PCDHGB6: variants seen among roughly 807,000 people sequenced by gnomAD.
PCDHGB6 encodes protocadherin gamma subfamily B, 6, also known as protocadherin gamma-B6.
A neutral mutation model predicts 59.1 loss-of-function variants in PCDHGB6; 51 were observed. The ratio of observed to expected loss-of-function variants is 0.86; its 90% confidence interval spans 0.69 to 1.09. The LOEUF is 1.09. PCDHGB6 is among the 50% of genes least tolerant of loss of function. PCDHGB6 has a pLI of 0.00. For synonymous variants in PCDHGB6, 466 were observed against 495.1 expected (o/e 0.94, Z 0.78); for missense variants, 1,148 against 1,205.1 (o/e 0.95, Z 0.70).
At chr5:141,410,662 C>T (rs770245568) in intron 1 of PCDHGB6, 42 bp downstream of exon 1, 1 of 1,572,090 alleles carries the variant, frequency 6.4e-7, no homozygotes, top group Admixed American at 1.9e-5. Context: ...TAATAGTCTA[C>T]TAGTTTCTCA....
At chr5:141,456,352 C>T (rs1253586137) in intron 1 of PCDHGB6, among the ~76,000 whole-genome samples, 1 of 152,050 alleles carries the variant, frequency 6.6e-6, no homozygotes, top group Non-Finnish European at 1.5e-5. Flanking sequence ...GGAAGAATGG[C>T]GTCCATGTGT....
At position 141,491,919 on chromosome 5, in the gene PCDHGB6, C is replaced by A. The variant is rs1177043977; in HGVS notation, c.2419-2888C>A. 1.5e-6 allele frequency: 2 copies of A among 1,361,778 alleles called. No homozygotes were observed. Among genetic ancestry groups the A allele is most frequent in the South Asian group, 1.6e-5 (1 of 64,218 alleles). 84.4% of individuals were successfully genotyped at this position (1,361,778 alleles called of 1,614,324 possible). A position where few individuals can be genotyped will look rare whatever the true frequency, so the allele number is the denominator to read the frequency against. On this transcript the variant is annotated intron_variant, in intron 1 of 3. Coordinates refer to ENST00000520790, the MANE Select transcript of PCDHGB6 (RefSeq NM_018926.3). The surrounding 1 kb of genome is among the most constrained non-coding windows in gnomAD (Gnocchi z 6.9). ...CACCGGGGGTGGTGGCGACTGTGGGCGAGGGGAGGTGGGACCGACCCCCAC... is the reference window on the plus strand; with the variant it reads ...CACCGGGGGTGGTGGCGACTGTGGGAGAGGGGAGGTGGGACCGACCCCCAC...
In PCDHGB6 at chr5:141,485,609, G is replaced by A. The variant is rs1432367043; in HGVS notation, c.2419-9198G>A. The A allele has an allele frequency of 6.2e-7, 1 of 1,612,252 alleles. No homozygotes were observed. Among genetic ancestry groups the A allele is most frequent in the Non-Finnish European group, 8.5e-7 (1 of 1,178,656 alleles). On this transcript the variant is annotated intron_variant, in intron 1 of 3. Transcript: ENST00000520790. This position sits in a 1 kb window ranked among gnomAD's most constrained non-coding sequence, Gnocchi z 5.7. ...GCTGGACTTGGAAATTGGGGAGGCA[G>A]CTCCTCCAGGACAGCGTTTCCCGTT...
Position 141,432,617 on chromosome 5 carries a change from G to A in PCDHGB6, c.2418+21997G>A. The A allele has an allele frequency of 6.2e-7, 1 of 1,613,694 alleles. No individual in the cohort carries two copies. Among genetic ancestry groups the A allele is most frequent in the South Asian group, 1.1e-5 (1 of 91,044 alleles). On this transcript the variant is annotated intron_variant, in intron 1 of 3. Coordinates refer to ENST00000520790, the MANE Select transcript of PCDHGB6 (RefSeq NM_018926.3). This position sits in a 1 kb window ranked among gnomAD's most constrained non-coding sequence, Gnocchi z 6.0. ...CAGCGAGCCGGGACTCTTCTCGGTGGGTCTGCACACGGGCGAGGTGCGCAC... is the reference window on the plus strand; with the variant it reads ...CAGCGAGCCGGGACTCTTCTCGGTGAGTCTGCACACGGGCGAGGTGCGCAC...
At chr5:141,510,814 C>T in intron 3 of PCDHGB6, 133 bp from the exon 4 acceptor site, 2 of 1,544,688 alleles carry the variant, frequency 1.3e-6, no homozygotes, top group East Asian at 4.6e-5. Context: ...TTGGTGACCC[C>T]TATATTCCCA....
chr5:141,409,439 G>C lies in PCDHGB6; in HGVS notation c.1237G>C (p.Glu413Gln). 1 of 1,613,998 alleles carries C rather than the reference G, an allele frequency of 6.2e-7. No homozygotes were observed. The highest frequency in any genetic ancestry group is 8.5e-7 in the Non-Finnish European group (1 of 1,179,894). Residue 413 changes from glutamate (E) to glutamine (Q), a missense_variant, in exon 1 of 4, where the codon GAG (glutamate) becomes CAG (glutamine). Physicochemically the swap from Glu to Gln is conservative, Grantham distance 29. Coordinates refer to ENST00000520790, the MANE Select transcript of PCDHGB6 (RefSeq NM_018926.3). ...GGTGACAGATGGAGCCCTGGACCGA[G>C]AGCAGACACCAGAATACAATGTCAC... is the stretch of plus-strand genomic sequence containing the variant. ...KLVTDGALDR[E>Q]QTPEYNVTIV...
chr5:141,494,306 T>G (rs1432951954), intron 1 of PCDHGB6, among the ~76,000 whole-genome samples: 1 of 152,212 alleles, frequency 6.6e-6, no homozygotes, highest in Non-Finnish European at 1.5e-5. Flanking sequence ...AATGTGTCAC[T>G]GCACAACCTG....
Position 141,487,933 on chromosome 5 carries a change from A to G in PCDHGB6, c.2419-6874A>G. ...CACAGGAGGCTACAGTGCACAGGGT[A>G]CAGTGCACCAGGCAGTCACTTGGAC... is the stretch of plus-strand genomic sequence containing the variant. On this transcript the variant is annotated intron_variant, in intron 1 of 3. Coordinates refer to ENST00000520790, the MANE Select transcript of PCDHGB6 (RefSeq NM_018926.3). This position sits in a 1 kb window ranked among gnomAD's most constrained non-coding sequence, Gnocchi z 5.0. 1 of 612,006 alleles carries G rather than the reference A, an allele frequency of 1.6e-6. No homozygotes were observed. Among genetic ancestry groups the G allele is most frequent in the South Asian group, 2.0e-5 (1 of 49,074 alleles). The allele number at this position is 612,006 out of a possible 1,614,324, so 37.9% of individuals were successfully genotyped here. A position where few individuals can be genotyped will look rare whatever the true frequency, so the allele number is the denominator to read the frequency against.
intron 1 of PCDHGB6, among the ~76,000 whole-genome samples, chr5:141,445,447 A>G (rs974383838): frequency 3.4e-4 from 51 of 152,222 alleles, no homozygotes; most frequent in Admixed American, 1.3e-3. Flanking sequence ...TGGACTAAGG[A>G]TGCAGCAATG....
At chr5:141,474,964 CATT>C (rs1489874965) in intron 1 of PCDHGB6, among the ~76,000 whole-genome samples, 1 of 152,216 alleles carries the variant, frequency 6.6e-6, no homozygotes, top group Non-Finnish European at 1.5e-5. Context: ...CTATCCTAAT[CATT>C]ATAATTTTGT....
intron 2 of PCDHGB6, 117 bp downstream of exon 2, chr5:141,494,982 G>C: frequency 6.4e-7 from 1 of 1,563,940 alleles, no homozygotes; most frequent in Non-Finnish European, 8.7e-7. Context: ...CTCAGTTTGA[G>C]ATCCCAGGGA....
At chr5:141,413,722 T>TCC (rs1330658153) in intron 1 of PCDHGB6, 1 of 1,613,450 alleles carries the variant, frequency 6.2e-7, no homozygotes. Context: ...TAAGCACTTC[T>TCC]CCCTAAGAGT....
Position 141,409,153 on chromosome 5 carries a change from G to A in PCDHGB6, c.951G>A (p.Met317Ile). The change falls in exon 1 of 4, where the codon ATG becomes ATA. Residue 317 changes from methionine (M) to isoleucine (I), a missense_variant. Physicochemically the swap from Met to Ile is conservative, Grantham distance 10 (BLOSUM62 1). Coordinates refer to ENST00000520790, the MANE Select transcript of PCDHGB6 (RefSeq NM_018926.3). ...FDFEDVERYT[M>I]EVEAKDGGGL... The stretch of plus-strand genomic sequence containing the variant: ...TTGAAGATGTAGAAAGGTACACCAT[G>A]GAAGTGGAAGCGAAGGACGGAGGTG... The A allele has an allele frequency of 6.2e-7, 1 of 1,614,026 alleles. No individual in the cohort carries two copies.
At position 141,409,614 on chromosome 5, in the gene PCDHGB6, T is replaced by C; in HGVS notation, c.1412T>C (p.Ile471Thr). 1 of 1,613,880 alleles carries C rather than the reference T, an allele frequency of 6.2e-7. No homozygotes were observed. The highest frequency in any genetic ancestry group is 8.5e-7 in the Non-Finnish European group (1 of 1,179,886). ...VAENNPPGAS[I>T]AQVSASDPDL... is the part of the protein sequence containing the mutation. ...GAGAACAACCCGCCAGGAGCCTCCA[T>C]TGCGCAAGTGAGCGCCTCTGACCCG... Residue 471 changes from isoleucine to threonine, a missense_variant, in exon 1 of 4, where the codon ATT (isoleucine) becomes ACT (threonine). Transcript: ENST00000520790.
In PCDHGB6 at chr5:141,431,450, A is replaced by G; in HGVS notation, c.2418+20830A>G. 2 of 1,613,740 alleles carry G rather than the reference A, an allele frequency of 1.2e-6. No individual in the cohort carries two copies. Among genetic ancestry groups the G allele is most frequent in the South Asian group, 1.1e-5 (1 of 91,082 alleles). Reference sequence around the variant, plus strand: ...CACAGGCACCGCGCGCATCCGCGTGATGGTTCTGGATGCGAACGACAACGC... The same window carrying G: ...CACAGGCACCGCGCGCATCCGCGTGGTGGTTCTGGATGCGAACGACAACGC... On this transcript the variant is annotated intron_variant, in intron 1 of 3. Coordinates refer to ENST00000520790, the MANE Select transcript of PCDHGB6 (RefSeq NM_018926.3). The surrounding 1 kb of genome is among the most constrained non-coding windows in gnomAD (Gnocchi z 4.8).
rs1461617825 is a variant in PCDHGB6, at chr5:141,431,902, G to A, written c.2418+21282G>A. On this transcript the variant is annotated intron_variant, in intron 1 of 3. Coordinates refer to ENST00000520790, the MANE Select transcript of PCDHGB6 (RefSeq NM_018926.3). This position sits in a 1 kb window ranked among gnomAD's most constrained non-coding sequence, Gnocchi z 4.8. ...ACCAAGATTCTGAGGAAAACGGACA[G>A]GTGATCTGTTTCATCCAAGGAAATC... 1.2e-6 allele frequency: 2 copies of A among 1,613,764 alleles called. No homozygotes were observed. The highest frequency in any genetic ancestry group is 1.3e-5 in the African/African-American group (1 of 74,918).
At position 141,416,345 on chromosome 5, in the gene PCDHGB6, A is replaced by T. The variant is rs542527661; in HGVS notation, c.2418+5725A>T. ...ATTTAACTTTCATTGCTCAATAGGG[A>T]TCCTGAGGAGGCTATAGAGGGTGAA... On this transcript the variant is annotated intron_variant, in intron 1 of 3. Transcript: ENST00000520790. The T allele has an allele frequency of 4.6e-5, 7 of 152,330 alleles. No homozygotes were observed. In the East Asian group the frequency reaches 1.3e-3, roughly 29 times the overall value. The allele number at this position is 152,330 out of a possible 1,614,324, so 9.4% of individuals were successfully genotyped here. A position where few individuals can be genotyped will look rare whatever the true frequency, so the allele number is the denominator to read the frequency against.
At chr5:141,435,055 A>T (rs148331367) in intron 1 of PCDHGB6, among the ~76,000 whole-genome samples, 5 of 152,124 alleles carry the variant, frequency 3.3e-5, no homozygotes, top group Non-Finnish European at 7.4e-5. Flanking sequence ...TTGACCATGC[A>T]GCAGTTTTGT....
intron 1 of PCDHGB6, chr5:141,419,030 C>G (rs1178461733): frequency 5.0e-6 from 8 of 1,613,768 alleles, no homozygotes; most frequent in Non-Finnish European, 6.8e-6. Context: ...TAGAGGTGTT[C>G]CATTTAAGAT....
Sources: allele counts gnomAD v4.1 joint callset (sites outside exome capture counted in the v4.1 genomes callset), GRCh38; gene constraint gnomAD v4.1.1; non-coding constraint Gnocchi (gnomAD v3.1); transcripts MANE v1.5; gene names NCBI Gene and HGNC (gene_info 2026-07-23, HGNC 2026-07-21).